The following SEC11A variants were observed in gnomAD, a reference collection of about 807,000 sequenced individuals.
The protein encoded by SEC11A is signal peptidase complex catalytic subunit SEC11A.
Under a neutral mutation model 25.6 loss-of-function variants are expected in SEC11A, and 14 were observed. That is an observed-to-expected ratio of 0.55 (90% CI 0.36 to 0.85). The LOEUF (loss-of-function observed/expected upper bound fraction) is 0.85. Ranked by LOEUF, SEC11A falls within the 40% of genes least tolerant of loss-of-function variation. The pLI is 0.01. For synonymous variants in SEC11A, 83 were observed against 76.4 expected (o/e 1.09, Z -0.45); for missense variants, 153 against 222.9 (o/e 0.69, Z 2.00).
At chr15:84,706,261 T>G (rs573569103) in intron 1 of SEC11A, among the ~76,000 whole-genome samples, 26 of 152,264 alleles carry the variant, frequency 1.7e-4, no homozygotes, top group African/African-American at 5.8e-4. Flanking sequence ...AGGGACATAA[T>G]GGTTCCATTA....
chr15:84,687,491 G>A, intron 3 of SEC11A, 134 bp downstream of exon 3: 1 of 590,654 alleles, frequency 1.7e-6, no homozygotes, highest in Non-Finnish European at 2.8e-6. Context: ...AAACTTTCCA[G>A]CATTCATAAA....
In SEC11A at chr15:84,690,328, T is replaced by C. The variant is rs565514745; in HGVS notation, c.161+1207A>G. Among the ~76,000 whole-genome samples, 210 of 152,314 alleles carry C rather than the reference T, an allele frequency of 1.4e-3. 1 individual carries two copies. The highest frequency in any genetic ancestry group is 4.6e-3 in the African/African-American group (191 of 41,574). On this transcript the variant is annotated intron_variant, in intron 2 of 5. Coordinates refer to ENST00000268220, the MANE Select transcript of SEC11A (RefSeq NM_014300.4). Reference sequence around the variant, plus strand: ...GAGACCTGCCTTTCACCTTCTGCCATGATTGTGGGGCCTCCCCAGTCACGT... The same window carrying C: ...GAGACCTGCCTTTCACCTTCTGCCACGATTGTGGGGCCTCCCCAGTCACGT...
At chr15:84,712,352 C>T (rs1372064680) in intron 1 of SEC11A, among the ~76,000 whole-genome samples, 1 of 152,084 alleles carries the variant, frequency 6.6e-6, no homozygotes, top group African/African-American at 2.4e-5. Context: ...GCAACAGGAA[C>T]TCTCATTCAT....
intron 4 of SEC11A, among the ~76,000 whole-genome samples, chr15:84,676,786 CAA>C (rs199559166): frequency 9.1e-5 from 11 of 120,668 alleles, no homozygotes; most frequent in Admixed American, 1.7e-4. Flanking sequence ...AACTCCATCT[CAA>C]AAAAAAAAAA....
At chr15:84,699,731 C>T (rs1026779170) in intron 1 of SEC11A, among the ~76,000 whole-genome samples, 3 of 150,030 alleles carry the variant, frequency 2.0e-5, no homozygotes, top group Non-Finnish European at 2.9e-5. Flanking sequence ...TCAAGACCTG[C>T]CTGGGCAATA....
Position 84,677,535 on chromosome 15 carries a change from T to G in SEC11A, c.431+3178A>C, listed in dbSNP as rs567981309. Among the ~76,000 whole-genome samples, 17 of 151,008 alleles carry G rather than the reference T, an allele frequency of 1.1e-4. No homozygotes were observed. The South Asian group carries it at 3.6e-3, about 32-fold the overall frequency. On this transcript the variant is annotated intron_variant, in intron 4 of 5. Coordinates refer to ENST00000268220, the MANE Select transcript of SEC11A (RefSeq NM_014300.4). ...TCACTCAGGCTGGAGTGCAGTGGCG[T>G]GATCTCGGCTCACTGCAAGCTCCAC...
chr15:84,702,329 C>T (rs546853916), intron 1 of SEC11A, among the ~76,000 whole-genome samples: 5 of 151,474 alleles, frequency 3.3e-5, no homozygotes, highest in South Asian at 4.2e-4. Context: ...GGCGTGGTGG[C>T]GGGCACCCGT....
intron 1 of SEC11A, 144 bp from the exon 2 acceptor site, chr15:84,691,788 T>A: frequency 1.9e-6 from 1 of 519,278 alleles, no homozygotes; most frequent in South Asian, 3.0e-5. Flanking sequence ...TTATAATAAT[T>A]ATGCCATCAG....
chr15:84,699,067 C>T (rs1464155750), intron 1 of SEC11A, among the ~76,000 whole-genome samples: 1 of 152,116 alleles, frequency 6.6e-6, no homozygotes, highest in Non-Finnish European at 1.5e-5. Context: ...ATACTCCCAG[C>T]ACTTTGCGAG....
At chr15:84,699,249 A>C (rs569350693) in intron 1 of SEC11A, among the ~76,000 whole-genome samples, 24 of 143,202 alleles carry the variant, frequency 1.7e-4, no homozygotes, top group African/African-American at 6.2e-4. Flanking sequence ...TGGGAGGCAG[A>C]GGTTGCAGTG....
rs371154872 is a variant in SEC11A at position 84,716,119 on chromosome 15, T to A, written c.-44A>T. ...GACACCGGCAGGGGAAAGGGCGCGA[T>A]GACCAGCGGGCGGAACTACTGGAGC... On this transcript the variant is annotated 5_prime_UTR_variant, in exon 1 of 6. Transcript: ENST00000268220. The A allele has an allele frequency of 4.6e-5, 73 of 1,597,294 alleles. No individual in the cohort carries two copies. Among genetic ancestry groups the A allele is most frequent in the Non-Finnish European group, 5.2e-5 (61 of 1,166,198 alleles).
chr15:84,673,952 T>C (rs1226838996), intron 4 of SEC11A: 2 of 151,966 alleles, frequency 1.3e-5, no homozygotes, highest in African/African-American at 4.8e-5. Context: ...AAAATGCAGA[T>C]TCTTGTATCT....
intron 3 of SEC11A, among the ~76,000 whole-genome samples, chr15:84,684,887 G>C (rs183974510): frequency 2.6e-5 from 4 of 151,978 alleles, no homozygotes; most frequent in Non-Finnish European, 5.9e-5. Context: ...AGCCAAACTC[G>C]CACCATGAAC....
chr15:84,714,353 A>G (rs1898390741), intron 1 of SEC11A, among the ~76,000 whole-genome samples: 1 of 152,074 alleles, frequency 6.6e-6, no homozygotes, highest in Non-Finnish European at 1.5e-5. Flanking sequence ...CTCTCTAACA[A>G]TGACATCGAC....
chr15:84,690,948 C>T (rs554409044), intron 2 of SEC11A, among the ~76,000 whole-genome samples: 8 of 152,020 alleles, frequency 5.3e-5, no homozygotes, highest in East Asian at 3.9e-4. Context: ...TAAAGTACAA[C>T]GAGACACTTT....
chr15:84,706,056 C>T (rs572809461), intron 1 of SEC11A, among the ~76,000 whole-genome samples: 3 of 151,646 alleles, frequency 2.0e-5, no homozygotes, highest in Non-Finnish European at 2.9e-5. Context: ...TACAGGTGCC[C>T]GCCACAATGT....
rs373689725 is a variant in SEC11A, at chr15:84,680,694, T to A, written c.431+19A>T. ...TTCAAGTGATATAAAAAGTTTGAGA[T>A]GCTCCCCTCTATACTTACCCCCTGG... On this transcript the variant is annotated intron_variant, in intron 4 of 5. Coordinates refer to ENST00000268220, the MANE Select transcript of SEC11A (RefSeq NM_014300.4). 246 of 1,574,464 alleles carry A rather than the reference T, an allele frequency of 1.6e-4. No individual in the cohort carries two copies. In the South Asian group the frequency reaches 1.9e-3, roughly 12 times the overall value.
Position 84,708,012 on chromosome 15 carries a change from A to C in SEC11A, c.51+8013T>G, listed in dbSNP as rs2141923073. 2.6e-5 allele frequency among the ~76,000 whole-genome samples: 4 copies of C among 152,230 alleles called. No individual in the cohort carries two copies. The South Asian group carries it at 8.3e-4, about 32-fold the overall frequency. On this transcript the variant is annotated intron_variant, in intron 1 of 5. Coordinates refer to ENST00000268220, the MANE Select transcript of SEC11A (RefSeq NM_014300.4). ...CACTTGAGGTCAGGAGTTCAAGACC[A>C]GCCTGGCCAACATGGTGAAACCCCG... is the stretch of plus-strand genomic sequence containing the variant.
chr15:84,670,260 T>A, intron 5 of SEC11A, 191 bp from the exon 6 acceptor site: 4 of 189,654 alleles, frequency 2.1e-5, no homozygotes, highest in Non-Finnish European at 4.1e-5. Context: ...ATAATTTTCT[T>A]TTTTTTTTTT....
Sources: gnomAD v4.1 joint callset for allele counts (sites outside exome capture counted in the v4.1 genomes callset) on GRCh38, gnomAD v4.1.1 for gene constraint, MANE v1.5 for transcripts, NCBI Gene and HGNC (gene_info 2026-07-23, HGNC 2026-07-21) for gene names.